Variants in CNTNAP2 observed in about 807,000 individuals in gnomAD.
CNTNAP2 encodes the protein contactin associated protein 2.
In CNTNAP2, 98 loss-of-function variants were observed where a neutral mutation model predicts 155.2. The observed-to-expected ratio is 0.63, with a 90% confidence interval of 0.54 to 0.75. The LOEUF (loss-of-function observed/expected upper bound fraction) is 0.75. Ranked by LOEUF, CNTNAP2 falls within the 30% of genes least tolerant of loss-of-function variation. The pLI, the probability that CNTNAP2 is intolerant of heterozygous loss-of-function variation, is 0.00. For synonymous variants in CNTNAP2, 651 were observed against 631.2 expected, an observed-to-expected ratio of 1.03 and a Z score of -0.47; for missense variants, 1,727 against 1,688.1, an observed-to-expected ratio of 1.02 and a Z score of -0.40.
At chr7:146,622,388 C>T (rs771089947) in intron 1 of CNTNAP2, among the ~76,000 whole-genome samples, 4 of 151,826 alleles carry the variant, frequency 2.6e-5, no homozygotes, top group Non-Finnish European at 4.4e-5. Context: ...TACCAGAAAC[C>T]AGTATCTGGA....
chr7:147,658,211 C>T (rs1052995410), intron 13 of CNTNAP2, among the ~76,000 whole-genome samples: 1 of 115,112 alleles, frequency 8.7e-6, no homozygotes. Context: ...GAGCCGAGAT[C>T]CCGCCACTGC....
At chr7:146,931,394 C>G (rs1463340124) in intron 3 of CNTNAP2, among the ~76,000 whole-genome samples, 1 of 148,442 alleles carries the variant, frequency 6.7e-6, no homozygotes, top group Non-Finnish European at 1.5e-5. Flanking sequence ...CCAACGAGAA[C>G]AAAGACACAA....
chr7:147,950,364 C>CAAAAAAAAAAAAA lies in CNTNAP2; in HGVS notation c.2256-27481_2256-27469dup, dbSNP rs386411606. Among the ~76,000 whole-genome samples the CAAAAAAAAAAAAA allele has an allele frequency of 3.2e-4, 18 of 55,782 alleles. 1 individual carries two copies. The highest frequency in any genetic ancestry group is 0.021 in the Middle Eastern group (1 of 48). The allele number at this position is 55,782 out of a possible 152,430, so 36.6% of individuals were successfully genotyped here. On this transcript the variant is annotated intron_variant, in intron 14 of 23. Coordinates refer to ENST00000361727, the MANE Select transcript of CNTNAP2 (RefSeq NM_014141.6). ...AGCTTAAGCTATACACATAGAGAGG[C>CAAAAAAAAAAAAA]AAAAAAAAAAAAAAAAAAAAAAAAA...
chr7:146,661,499 C>G (rs1585029964), intron 1 of CNTNAP2, among the ~76,000 whole-genome samples: 2 of 152,064 alleles, frequency 1.3e-5, no homozygotes, highest in Non-Finnish European at 2.9e-5. Flanking sequence ...TGGACCTTTT[C>G]TAGAATGTCA....
intron 1 of CNTNAP2, among the ~76,000 whole-genome samples, chr7:146,651,014 T>C (rs146240576): frequency 1.0e-3 from 154 of 151,306 alleles, no homozygotes; most frequent in African/African-American, 3.6e-3. Context: ...CTGGGCAACA[T>C]AGTGAATTTT....
At chr7:146,526,358 G>A (rs1280209875) in intron 1 of CNTNAP2, among the ~76,000 whole-genome samples, 1 of 152,150 alleles carries the variant, frequency 6.6e-6, no homozygotes, top group Non-Finnish European at 1.5e-5. Context: ...ATGCTTTACA[G>A]GAAGTGTGGT....
At chr7:148,363,847 G>GTGCGGCGCT (rs1208498185) in intron 21 of CNTNAP2, among the ~76,000 whole-genome samples, 7 of 147,304 alleles carry the variant, frequency 4.8e-5, no homozygotes, top group African/African-American at 7.5e-5. Flanking sequence ...CTGGGGCTGC[G>GTGCGGCGCT]TGCGGGCCAG....
At chr7:146,651,084 A>C (rs908630416) in intron 1 of CNTNAP2, among the ~76,000 whole-genome samples, 2 of 152,068 alleles carry the variant, frequency 1.3e-5, no homozygotes, top group Admixed American at 1.3e-4. Flanking sequence ...CTAATACATA[A>C]CTGAGATCAC....
At chr7:146,666,545 T>C (rs995718749) in intron 1 of CNTNAP2, among the ~76,000 whole-genome samples, 2 of 152,132 alleles carry the variant, frequency 1.3e-5, no homozygotes, top group Non-Finnish European at 2.9e-5. Flanking sequence ...ATATTATAGT[T>C]CTATTTGTAA....
At chr7:147,269,271 T>C (rs1382839924) in intron 8 of CNTNAP2, among the ~76,000 whole-genome samples, 1 of 152,192 alleles carries the variant, frequency 6.6e-6, no homozygotes, top group African/African-American at 2.4e-5. Flanking sequence ...GGGTAACTTT[T>C]AGGTTAAGAA....
At chr7:147,528,513 TCA>T in intron 11 of CNTNAP2, among the ~76,000 whole-genome samples, 1 of 152,226 alleles carries the variant, frequency 6.6e-6, no homozygotes. Flanking sequence ...CACACAACAC[TCA>T]CAGACACACA....
At chr7:146,646,663 G>A (rs1408912288) in intron 1 of CNTNAP2, among the ~76,000 whole-genome samples, 1 of 152,126 alleles carries the variant, frequency 6.6e-6, no homozygotes, top group Non-Finnish European at 1.5e-5. Flanking sequence ...TTCAGTTTCT[G>A]ATTAAAACCA....
At chr7:146,686,664 C>T (rs558674705) in intron 1 of CNTNAP2, among the ~76,000 whole-genome samples, 3 of 152,246 alleles carry the variant, frequency 2.0e-5, no homozygotes, top group East Asian at 3.9e-4. Flanking sequence ...CACAGTATTA[C>T]TTCCTTGTTG....
chr7:146,613,269 C>T (rs1273103179), intron 1 of CNTNAP2, among the ~76,000 whole-genome samples: 1 of 152,132 alleles, frequency 6.6e-6, no homozygotes, highest in African/African-American at 2.4e-5. Flanking sequence ...CACAAAGGCT[C>T]TGGCACTAAA....
chr7:146,947,014 A>C (rs1797191125), intron 3 of CNTNAP2, among the ~76,000 whole-genome samples: 1 of 152,006 alleles, frequency 6.6e-6, no homozygotes, highest in African/African-American at 2.4e-5. Flanking sequence ...ATTTGCAATA[A>C]AAATATCAAT....
chr7:146,794,252 C>T (rs1802727438), intron 2 of CNTNAP2, among the ~76,000 whole-genome samples: 2 of 152,122 alleles, frequency 1.3e-5, no homozygotes, highest in Admixed American at 1.3e-4. Flanking sequence ...GTATTATCTC[C>T]TATCATATCT....
chr7:147,230,512 G>A (rs1476615685), intron 8 of CNTNAP2, among the ~76,000 whole-genome samples: 1 of 152,156 alleles, frequency 6.6e-6, no homozygotes, highest in Non-Finnish European at 1.5e-5. Context: ...GCCTCTGAAA[G>A]AGCTGGGATT....
chr7:148,331,762 A>G (rs1798027207), intron 21 of CNTNAP2, among the ~76,000 whole-genome samples: 1 of 141,048 alleles, frequency 7.1e-6, no homozygotes, highest in African/African-American at 2.7e-5. Context: ...GGACGGATGG[A>G]TTGGATGGAT....
At chr7:148,281,292 A>G (rs1003596283) in intron 21 of CNTNAP2, among the ~76,000 whole-genome samples, 2 of 152,368 alleles carry the variant, frequency 1.3e-5, no homozygotes, top group Middle Eastern at 3.4e-3. Flanking sequence ...AACTTCTCTC[A>G]AGGAAAGTCC....
Sources: gnomAD v4.1 joint callset for allele counts (sites outside exome capture counted in the v4.1 genomes callset) on GRCh38, gnomAD v4.1.1 for gene constraint, MANE v1.5 for transcripts, NCBI Gene and HGNC (gene_info 2026-07-23, HGNC 2026-07-21) for gene names.